The following FAM171A1 variants were observed in gnomAD, a reference collection of about 807,000 sequenced individuals.
The protein encoded by FAM171A1 is family with sequence similarity 171 member A1.
Under a neutral mutation model 74.9 loss-of-function variants are expected in FAM171A1, and 23 were observed. The ratio of observed to expected loss-of-function variants is 0.31; its 90% CI spans 0.22 to 0.44. The LOEUF is 0.44. Ranked by LOEUF, FAM171A1 falls within the 20% of genes least tolerant of loss-of-function variation. FAM171A1 has a pLI of 1.00. For missense variants in FAM171A1, 1,162 were observed against 1,159.2 expected (o/e 1.00, Z -0.03); for synonymous variants, 527 against 505.7 (o/e 1.04, Z -0.57).
intron 1 of FAM171A1, among the ~76,000 whole-genome samples, chr10:15,304,306 C>T (rs1279286487): frequency 6.6e-6 from 1 of 152,164 alleles, no homozygotes; most frequent in Admixed American, 6.5e-5. Context: ...GGGACTGCCC[C>T]TCCCAGCAAT....
At chr10:15,314,230 C>T (rs573836829) in intron 1 of FAM171A1, among the ~76,000 whole-genome samples, 2 of 152,096 alleles carry the variant, frequency 1.3e-5, no homozygotes, top group Middle Eastern at 3.4e-3. Flanking sequence ...ATGCACATCA[C>T]CATTGCCACT....
At chr10:15,221,144 A>G in intron 5 of FAM171A1, 84 bp from the exon 6 acceptor site, 6 of 1,157,698 alleles carry the variant, frequency 5.2e-6, no homozygotes, top group Non-Finnish European at 6.2e-6. Flanking sequence ...GTCATCTTAA[A>G]TATCTTAAAT....
chr10:15,300,302 G>A (rs954176779), intron 1 of FAM171A1, among the ~76,000 whole-genome samples: 1 of 152,058 alleles, frequency 6.6e-6, no homozygotes, highest in Non-Finnish European at 1.5e-5. Context: ...CACATTTCAC[G>A]ACCACATGGT....
At chr10:15,216,516 G>A (rs1303042758) in intron 6 of FAM171A1, among the ~76,000 whole-genome samples, 1 of 151,280 alleles carries the variant, frequency 6.6e-6, no homozygotes, top group East Asian at 1.9e-4. Context: ...CTGTAGCCTT[G>A]ACCTCCTGGG....
At chr10:15,339,285 C>T (rs1002108062) in intron 1 of FAM171A1, among the ~76,000 whole-genome samples, 7 of 152,156 alleles carry the variant, frequency 4.6e-5, no homozygotes, top group African/African-American at 1.2e-4. Flanking sequence ...ATTATTAACT[C>T]GAGCTATACT....
intron 6 of FAM171A1, among the ~76,000 whole-genome samples, chr10:15,218,772 T>A (rs754036404): frequency 4.5e-4 from 68 of 152,006 alleles, no homozygotes; most frequent in Non-Finnish European, 8.1e-4. Flanking sequence ...TTAAAAAAAA[T>A]TTTTTTAGAA....
rs1835426177 is a variant in FAM171A1, at chr10:15,316,677, G to C, written c.98-32572C>G. ...TCTGATCTCAAAGGTGAGATGCCAG[G>C]TTCTTACCTGACTGGCAGAAATCCA... On this transcript the variant is annotated intron_variant, in intron 1 of 7. Coordinates refer to ENST00000378116, the MANE Select transcript of FAM171A1 (RefSeq NM_001010924.2). Among the ~76,000 whole-genome samples, 4 of 152,128 alleles carry C rather than the reference G, an allele frequency of 2.6e-5. No homozygotes were observed. In the South Asian group the frequency reaches 8.3e-4, roughly 32 times the overall value.
chr10:15,245,121 G>A (rs920725277), intron 5 of FAM171A1, among the ~76,000 whole-genome samples: 8 of 151,580 alleles, frequency 5.3e-5, no homozygotes, highest in African/African-American at 1.9e-4. Flanking sequence ...GCTGGAGTGT[G>A]GGGACGCTAT....
chr10:15,224,405 AGGAGGACATGG>A (rs1165626702), intron 5 of FAM171A1, among the ~76,000 whole-genome samples: 1 of 152,158 alleles, frequency 6.6e-6, no homozygotes, highest in African/African-American at 2.4e-5. Flanking sequence ...CATTTGCTGC[AGGAGGACATGG>A]GGGACCTGGA....
At chr10:15,301,360 A>T (rs61842680) in intron 1 of FAM171A1, among the ~76,000 whole-genome samples, 19,879 of 137,364 alleles carry the variant, frequency 0.14, 1,666 homozygotes, top group Middle Eastern at 0.21. Flanking sequence ...ATATATATAT[A>T]TATTTTTTTT....
At chr10:15,264,823 A>G (rs1388490039) in intron 3 of FAM171A1, among the ~76,000 whole-genome samples, 1 of 152,028 alleles carries the variant, frequency 6.6e-6, no homozygotes. Flanking sequence ...AGTAGTAAAG[A>G]CCACTATTTA....
chr10:15,258,510 T>C (rs1834612369), intron 3 of FAM171A1, among the ~76,000 whole-genome samples: 1 of 152,108 alleles, frequency 6.6e-6, no homozygotes, highest in Non-Finnish European at 1.5e-5. Context: ...AAATACTCAT[T>C]TTTTCCCCAG....
chr10:15,314,570 C>T (rs1835401055), intron 1 of FAM171A1, among the ~76,000 whole-genome samples: 1 of 152,204 alleles, frequency 6.6e-6, no homozygotes, highest in Admixed American at 6.5e-5. Flanking sequence ...AGCAATCAGA[C>T]CTGATTTCCA....
At chr10:15,251,697 C>T (rs1283965093) in intron 4 of FAM171A1, among the ~76,000 whole-genome samples, 10 of 152,102 alleles carry the variant, frequency 6.6e-5, no homozygotes, top group Non-Finnish European at 1.5e-4. Flanking sequence ...CAGGTGTGAG[C>T]CATCGCGCCT....
At chr10:15,348,413 C>T (rs1482197286) in intron 1 of FAM171A1, among the ~76,000 whole-genome samples, 1 of 152,236 alleles carries the variant, frequency 6.6e-6, no homozygotes, top group Non-Finnish European at 1.5e-5. Context: ...GCTGGGATTA[C>T]AGGCGTGAGC....
At chr10:15,338,416 A>C (rs1472251475) in intron 1 of FAM171A1, among the ~76,000 whole-genome samples, 1 of 152,236 alleles carries the variant, frequency 6.6e-6, no homozygotes, top group Non-Finnish European at 1.5e-5. Context: ...CAAAGTCATT[A>C]GTTTACATTC....
chr10:15,259,441 CAAT>C (rs1004505072), intron 3 of FAM171A1, among the ~76,000 whole-genome samples: 6 of 152,004 alleles, frequency 3.9e-5, no homozygotes, highest in African/African-American at 1.2e-4. Flanking sequence ...ACCAAATTAA[CAAT>C]GATGACAAAA....
At chr10:15,266,788 G>T (rs1834748200) in intron 3 of FAM171A1, among the ~76,000 whole-genome samples, 1 of 151,082 alleles carries the variant, frequency 6.6e-6, no homozygotes, top group Admixed American at 6.6e-5. Context: ...AGGATTGCTT[G>T]AGTCTGGGAG....
rs1163906720 is a variant in FAM171A1 at position 15,213,475 on chromosome 10, G to A, written c.2113C>T (p.Pro705Ser). 6.2e-7 allele frequency: 1 copy of A among 1,614,146 alleles called. No individual in the cohort carries two copies. The highest frequency in any genetic ancestry group is 8.5e-7 in the Non-Finnish European group (1 of 1,180,030). ...ELGGGKPLPH[P>S]RAWFVSLDGR... The stretch of plus-strand genomic sequence containing the variant: ...TCCAAGGAGACGAACCACGCCCGGG[G>A]GTGCGGAAGCGGCTTCCCACCCCCA... Residue 705 changes from proline (P) to serine (S), a missense_variant, in exon 8 of 8, where the codon CCC becomes TCC. Physicochemically the swap from Pro to Ser is moderately conservative, Grantham distance 74. Transcript: ENST00000378116. The surrounding 1 kb of genome is among the most constrained non-coding windows in gnomAD (Gnocchi z 6.8).
Sources: gnomAD v4.1 joint callset for allele counts (sites outside exome capture counted in the v4.1 genomes callset) on GRCh38, gnomAD v4.1.1 for gene constraint, Gnocchi (gnomAD v3.1) non-coding constraint, MANE v1.5 for transcripts, NCBI Gene and HGNC (gene_info 2026-07-23, HGNC 2026-07-21) for gene names.